TUSC3: variants seen among roughly 807,000 people sequenced by gnomAD.
The protein encoded by TUSC3 is dolichyl-diphosphooligosaccharide--protein glycosyltransferase subunit TUSC3.
Under a neutral mutation model 44.8 loss-of-function variants are expected in TUSC3, and 45 were observed. The observed-to-expected ratio is 1.00, with a 90% CI of 0.79 to 1.29. The LOEUF (loss-of-function observed/expected upper bound fraction) is 1.29. TUSC3 is among the 50% of genes most tolerant of loss of function. The probability of loss-of-function intolerance (pLI) is 0.00; values close to 1 mark genes in which losing one functional copy is unlikely to be tolerated. For missense variants in TUSC3, 519 were observed against 437.9 expected (o/e 1.19, Z -1.65); for synonymous variants, 212 against 152.9 (o/e 1.39, Z -2.85).
intron 6 of TUSC3, among the ~76,000 whole-genome samples, chr8:15,718,111 T>G (rs1425883165): frequency 1.3e-5 from 2 of 152,126 alleles, no homozygotes; most frequent in African/African-American, 4.8e-5. Flanking sequence ...TAAACAATTT[T>G]AAGTTTTCAA....
At chr8:15,497,250 C>T (rs111242092) in intron 2 of TUSC3, among the ~76,000 whole-genome samples, 2 of 152,242 alleles carry the variant, frequency 1.3e-5, no homozygotes, top group African/African-American at 4.8e-5. Context: ...TTAGCGTCTG[C>T]TTCCAAGTCC....
chr8:15,690,199 AG>A (rs1808837740), intron 6 of TUSC3, among the ~76,000 whole-genome samples: 1 of 152,072 alleles, frequency 6.6e-6, no homozygotes, highest in East Asian at 1.9e-4. Context: ...TCTTTTTAAT[AG>A]GCATTCTGAT....
chr8:15,493,693 T>C (rs530615940), intron 2 of TUSC3, among the ~76,000 whole-genome samples: 1 of 152,198 alleles, frequency 6.6e-6, no homozygotes, highest in African/African-American at 2.4e-5. Context: ...GAATGAACTA[T>C]CCAATTAGAA....
At chr8:15,838,486 G>A in the TUSC3 span, among the ~76,000 whole-genome samples, 2 of 152,070 alleles carry the variant, frequency 1.3e-5, no homozygotes, top group Non-Finnish European at 2.9e-5. Context: ...GAGTGATAAA[G>A]TCTCCACGTT....
intron 2 of TUSC3, among the ~76,000 whole-genome samples, chr8:15,515,796 T>G (rs995274261): frequency 6.6e-6 from 1 of 152,018 alleles, no homozygotes; most frequent in African/African-American, 2.4e-5. Context: ...GCTTCCCAAG[T>G]AGCTGGGACT....
intron 1 of TUSC3, among the ~76,000 whole-genome samples, chr8:15,473,109 C>A (rs979108597): frequency 1.3e-5 from 2 of 152,078 alleles, no homozygotes; most frequent in African/African-American, 4.8e-5. Flanking sequence ...TTTTTAGTTT[C>A]CCCAAATAAG....
the TUSC3 span, among the ~76,000 whole-genome samples, chr8:15,831,637 T>G: frequency 1.3e-5 from 2 of 152,082 alleles, no homozygotes; most frequent in African/African-American, 2.4e-5. Context: ...AAAAACACAC[T>G]GCAAGAATTT....
At chr8:15,850,691 A>G in the TUSC3 span, among the ~76,000 whole-genome samples, 1 of 152,144 alleles carries the variant, frequency 6.6e-6, no homozygotes, top group South Asian at 2.1e-4. Context: ...TTAGAAAGGA[A>G]TGGGTGAGGT....
chr8:15,621,573 C>G (rs1311917606), intron 1 of TUSC3, among the ~76,000 whole-genome samples: 1 of 147,022 alleles, frequency 6.8e-6, no homozygotes, highest in Non-Finnish European at 1.5e-5. Context: ...ATATTTAACT[C>G]AGACTGCAAA....
At chr8:15,709,405 C>T (rs1297776178) in intron 6 of TUSC3, among the ~76,000 whole-genome samples, 2 of 151,872 alleles carry the variant, frequency 1.3e-5, no homozygotes, top group Admixed American at 1.3e-4. Context: ...TTTGACTACA[C>T]GTATTTCCTC....
intron 7 of TUSC3, 94 bp from the exon 8 acceptor site, chr8:15,743,444 A>C: frequency 8.1e-7 from 1 of 1,230,826 alleles, no homozygotes; most frequent in Non-Finnish European, 1.2e-6. Context: ...GTGCATTTGT[A>C]GTTTAACCAT....
At chr8:15,565,768 A>T (rs1802645167) in intron 1 of TUSC3, among the ~76,000 whole-genome samples, 1 of 151,998 alleles carries the variant, frequency 6.6e-6, no homozygotes. Flanking sequence ...CTAGGTTGAG[A>T]ATGTAAAGAG....
At chr8:15,846,042 T>C in the TUSC3 span, among the ~76,000 whole-genome samples, 1 of 152,098 alleles carries the variant, frequency 6.6e-6, no homozygotes, top group East Asian at 1.9e-4. Context: ...CCATGAGATC[T>C]CGTGAGACTT....
chr8:15,788,950 A>C, the TUSC3 span, among the ~76,000 whole-genome samples: 1 of 152,174 alleles, frequency 6.6e-6, no homozygotes, highest in Admixed American at 6.5e-5. Flanking sequence ...TATTAGGAAA[A>C]TTAAGCAGAT....
intron 1 of TUSC3, among the ~76,000 whole-genome samples, chr8:15,563,531 C>T (rs1802552936): frequency 6.6e-6 from 1 of 151,724 alleles, no homozygotes; most frequent in Non-Finnish European, 1.5e-5. Flanking sequence ...GCTAAAAATA[C>T]AAAAATTAGC....
intron 8 of TUSC3, among the ~76,000 whole-genome samples, chr8:15,746,158 C>A (rs539224176): frequency 9.2e-5 from 14 of 151,918 alleles, no homozygotes; most frequent in African/African-American, 3.1e-4. Flanking sequence ...TATTGTATAT[C>A]CTGTCTTAAG....
At chr8:15,543,257 T>A (rs1801750282) in intron 1 of TUSC3, among the ~76,000 whole-genome samples, 1 of 152,174 alleles carries the variant, frequency 6.6e-6, no homozygotes, top group Admixed American at 6.6e-5. Context: ...TATTGACATA[T>A]GTACCAGAGT....
At chr8:15,760,543 A>G (rs569512056) in intron 10 of TUSC3, among the ~76,000 whole-genome samples, 1 of 152,278 alleles carries the variant, frequency 6.6e-6, no homozygotes, top group Non-Finnish European at 1.5e-5. Flanking sequence ...TTATCCTACA[A>G]ACTAAGAATG....
intron 1 of TUSC3, among the ~76,000 whole-genome samples, chr8:15,474,122 C>A (rs192972050): frequency 7.2e-5 from 11 of 152,258 alleles, no homozygotes; most frequent in African/African-American, 2.6e-4. Flanking sequence ...CCTACTTACA[C>A]GTCCATTTAT....
Sources: allele counts gnomAD v4.1 joint callset (sites outside exome capture counted in the v4.1 genomes callset), GRCh38; gene constraint gnomAD v4.1.1; transcripts MANE v1.5; gene names NCBI Gene and HGNC (gene_info 2026-07-23, HGNC 2026-07-21).